LEKR1: variants seen among roughly 807,000 people sequenced by gnomAD.
The protein encoded by LEKR1 is protein LEKR1.
Under a neutral mutation model 72.4 loss-of-function variants are expected in LEKR1, and 59 were observed. The ratio of observed to expected loss-of-function variants is 0.82; its 90% CI spans 0.66 to 1.01. The LOEUF is 1.01. Ranked by LOEUF, LEKR1 falls within the 50% of genes least tolerant of loss-of-function variation. LEKR1 has a pLI of 0.00. For missense variants in LEKR1, 728 were observed against 759.2 expected (o/e 0.96, Z 0.48); for synonymous variants, 257 against 263.2 (o/e 0.98, Z 0.23).
intron 12 of LEKR1, among the ~76,000 whole-genome samples, chr3:157,038,438 G>A (rs1735115667): frequency 6.6e-6 from 1 of 152,164 alleles, no homozygotes; most frequent in Non-Finnish European, 1.5e-5. Context: ...ATGTCCATAG[G>A]GAAGGCAAGC....
At chr3:157,011,277 G>A in intron 9 of LEKR1, 136 bp from the exon 10 acceptor site, 3 of 606,228 alleles carry the variant, frequency 4.9e-6, no homozygotes, top group Non-Finnish European at 5.9e-6. Flanking sequence ...AAAATGATAT[G>A]TAGTAGCAGC....
chr3:156,952,863 C>T (rs1029491058), intron 6 of LEKR1, among the ~76,000 whole-genome samples: 2 of 151,222 alleles, frequency 1.3e-5, no homozygotes, highest in African/African-American at 4.8e-5. Context: ...ACAGTAGAGT[C>T]CATATAGCCA....
At chr3:156,829,989 A>C (rs1712156005) in intron 2 of LEKR1, among the ~76,000 whole-genome samples, 1 of 152,238 alleles carries the variant, frequency 6.6e-6, no homozygotes, top group African/African-American at 2.4e-5. Context: ...ACCATAAAAT[A>C]TGCACAAATC....
At chr3:156,882,520 GT>G (rs1433969780) in intron 3 of LEKR1, among the ~76,000 whole-genome samples, 1 of 152,090 alleles carries the variant, frequency 6.6e-6, no homozygotes, top group Non-Finnish European at 1.5e-5. Flanking sequence ...TGGAGAGGAT[GT>G]GGAGAAATAG....
At chr3:156,907,070 ACTGT>A (rs1465188656) in intron 3 of LEKR1, among the ~76,000 whole-genome samples, 5 of 152,092 alleles carry the variant, frequency 3.3e-5, no homozygotes, top group African/African-American at 1.2e-4. Context: ...ATGTAATGAG[ACTGT>A]CTGGGCTTTT....
intron 3 of LEKR1, among the ~76,000 whole-genome samples, chr3:156,872,486 G>T (rs1442614118): frequency 6.6e-6 from 1 of 151,544 alleles, no homozygotes; most frequent in Non-Finnish European, 1.5e-5. Context: ...CTACTTATTT[G>T]GGATTTGGTT....
chr3:156,925,951 T>A (rs1372449211), intron 4 of LEKR1, among the ~76,000 whole-genome samples: 1 of 152,014 alleles, frequency 6.6e-6, no homozygotes, highest in African/African-American at 2.4e-5. Flanking sequence ...TTTTTAAAAT[T>A]AATCAAATAA....
intron 3 of LEKR1, among the ~76,000 whole-genome samples, chr3:156,858,636 C>G (rs954777964): frequency 1.3e-5 from 2 of 149,938 alleles, no homozygotes; most frequent in Non-Finnish European, 2.9e-5. Flanking sequence ...AATCATGCCA[C>G]TACATTCCAG....
At chr3:156,937,352 A>G (rs1034738725) in intron 5 of LEKR1, among the ~76,000 whole-genome samples, 1 of 152,372 alleles carries the variant, frequency 6.6e-6, no homozygotes, top group Admixed American at 6.5e-5. Flanking sequence ...CAGTTAGAAA[A>G]TAGGCAAAAG....
intron 3 of LEKR1, among the ~76,000 whole-genome samples, chr3:156,883,147 TATA>T (rs987029224): frequency 1.3e-5 from 2 of 148,628 alleles, no homozygotes; most frequent in African/African-American, 2.6e-5. Flanking sequence ...AAACTTAAAG[TATA>T]ATAATAATAA....
At chr3:157,014,626 G>A (rs1390873841) in intron 10 of LEKR1, among the ~76,000 whole-genome samples, 1 of 151,952 alleles carries the variant, frequency 6.6e-6, no homozygotes, top group East Asian at 1.9e-4. Flanking sequence ...TAATAAACAT[G>A]GCTAAAAGGA....
At chr3:156,899,551 C>CGT (rs1721704343) in intron 3 of LEKR1, among the ~76,000 whole-genome samples, 8 of 89,196 alleles carry the variant, frequency 9.0e-5, no homozygotes, top group South Asian at 4.3e-4. Flanking sequence ...CATATATACA[C>CGT]ATATATACAT....
At chr3:156,984,716 T>A (rs571038023) in intron 7 of LEKR1, among the ~76,000 whole-genome samples, 4 of 152,078 alleles carry the variant, frequency 2.6e-5, no homozygotes, top group African/African-American at 9.7e-5. Flanking sequence ...TTTAAGAACC[T>A]CTGTAATGTA....
intron 6 of LEKR1, among the ~76,000 whole-genome samples, chr3:156,960,526 T>C (rs1728022796): frequency 6.6e-6 from 1 of 152,192 alleles, no homozygotes; most frequent in Non-Finnish European, 1.5e-5. Flanking sequence ...CTTCAGGTGA[T>C]CTGCCCTCCT....
intron 9 of LEKR1, among the ~76,000 whole-genome samples, chr3:156,993,877 C>T (rs1344703474): frequency 6.6e-6 from 1 of 151,992 alleles, no homozygotes; most frequent in Non-Finnish European, 1.5e-5. Flanking sequence ...TTTTCATTTG[C>T]CTGCTATGTC....
At chr3:156,833,513 G>A (rs1242259069) in intron 2 of LEKR1, among the ~76,000 whole-genome samples, 1 of 152,058 alleles carries the variant, frequency 6.6e-6, no homozygotes, top group Non-Finnish European at 1.5e-5. Flanking sequence ...AAGTCATATT[G>A]AAATTATAGG....
At chr3:157,023,214 C>T (rs1733960131) in intron 10 of LEKR1, among the ~76,000 whole-genome samples, 1 of 152,116 alleles carries the variant, frequency 6.6e-6, no homozygotes, top group Non-Finnish European at 1.5e-5. Context: ...GTTTATAATC[C>T]TGGCACAGTA....
intron 12 of LEKR1, among the ~76,000 whole-genome samples, chr3:157,044,025 T>A (rs988244394): frequency 6.6e-6 from 1 of 152,242 alleles, no homozygotes; most frequent in Admixed American, 6.5e-5. Flanking sequence ...CTGTCTATAA[T>A]CATGAGAAAC....
At chr3:156,849,205 G>A (rs1245370686) in intron 2 of LEKR1, among the ~76,000 whole-genome samples, 1 of 152,196 alleles carries the variant, frequency 6.6e-6, no homozygotes, top group Admixed American at 6.5e-5. Context: ...TACAAGGGAT[G>A]TGAAGGACCT....
Sources: allele counts gnomAD v4.1 joint callset (sites outside exome capture counted in the v4.1 genomes callset), GRCh38; gene constraint gnomAD v4.1.1; transcripts MANE v1.5; gene names NCBI Gene and HGNC (gene_info 2026-07-23, HGNC 2026-07-21).